CHST11: variants seen among roughly 807,000 people sequenced by gnomAD.
CHST11 encodes C4S-1.
A neutral mutation model predicts 30.4 loss-of-function variants in CHST11; 9 were observed. The ratio of observed to expected loss-of-function variants is 0.30; its 90% CI spans 0.18 to 0.52. CHST11 has a LOEUF of 0.52. Among genes scored for constraint, CHST11 ranks in the 20% least tolerant of loss-of-function variants. CHST11 has a pLI of 0.97. For synonymous variants in CHST11, 152 were observed against 187.8 expected, an observed-to-expected ratio of 0.81 and a Z score of 1.56; for missense variants, 348 against 460.6, an observed-to-expected ratio of 0.76 and a Z score of 2.24.
At chr12:104,567,115 A>G (rs2038575313) in intron 1 of CHST11, among the ~76,000 whole-genome samples, 2 of 152,198 alleles carry the variant, frequency 1.3e-5, no homozygotes, top group Admixed American at 6.5e-5. Context: ...TGCTGTCTCT[A>G]AAGAATGGAG....
chr12:104,550,719 C>T (rs1357108809), intron 1 of CHST11, among the ~76,000 whole-genome samples: 1 of 152,208 alleles, frequency 6.6e-6, no homozygotes, highest in African/African-American at 2.4e-5. Flanking sequence ...GGCTAAGAGA[C>T]ACTTCCTCAC....
intron 2 of CHST11, among the ~76,000 whole-genome samples, chr12:104,730,697 G>A (rs1056206133): frequency 6.6e-6 from 1 of 152,224 alleles, no homozygotes. Context: ...AAAAGTCCCA[G>A]TCCAGGATAT....
intron 2 of CHST11, among the ~76,000 whole-genome samples, chr12:104,746,224 G>A (rs1383335115): frequency 2.0e-5 from 3 of 152,136 alleles, no homozygotes; most frequent in East Asian, 1.9e-4. Flanking sequence ...TCAAGGTGCC[G>A]AGGCCATTCA....
At chr12:104,550,123 A>G (rs1225389112) in intron 1 of CHST11, among the ~76,000 whole-genome samples, 1 of 152,176 alleles carries the variant, frequency 6.6e-6, no homozygotes, top group Non-Finnish European at 1.5e-5. Flanking sequence ...TGCCGAGTTG[A>G]TGTCCAGAAG....
At chr12:104,551,422 G>A (rs966291929) in intron 1 of CHST11, among the ~76,000 whole-genome samples, 3 of 152,014 alleles carry the variant, frequency 2.0e-5, no homozygotes, top group African/African-American at 4.8e-5. Context: ...GCTTTTGTAA[G>A]CATGTGTTGG....
chr12:104,543,942 A>G (rs1407776333), intron 1 of CHST11, among the ~76,000 whole-genome samples: 1 of 151,282 alleles, frequency 6.6e-6, no homozygotes, highest in Non-Finnish European at 1.5e-5. Context: ...GCAACATAGC[A>G]AGATCCCCAT....
At chr12:104,669,375 G>C (rs984936835) in intron 2 of CHST11, among the ~76,000 whole-genome samples, 5 of 152,172 alleles carry the variant, frequency 3.3e-5, no homozygotes, top group Admixed American at 1.3e-4. Context: ...AGCTTTGCTT[G>C]TTTTGAATCC....
At chr12:104,506,288 G>A (rs1353991780) in intron 1 of CHST11, among the ~76,000 whole-genome samples, 1 of 152,194 alleles carries the variant, frequency 6.6e-6, no homozygotes, top group Non-Finnish European at 1.5e-5. Context: ...ATTGAGCTTT[G>A]TTCAAAGTCC....
At chr12:104,753,345 G>T (rs1220547762) in intron 2 of CHST11, among the ~76,000 whole-genome samples, 4 of 151,996 alleles carry the variant, frequency 2.6e-5, no homozygotes, top group Admixed American at 1.3e-4. Context: ...TTGCATTAAA[G>T]AAGTTAGTCA....
chr12:104,497,112 T>C (rs745926755), intron 1 of CHST11, among the ~76,000 whole-genome samples: 3 of 152,210 alleles, frequency 2.0e-5, no homozygotes, highest in Non-Finnish European at 4.4e-5. Flanking sequence ...AAAGGACAGA[T>C]ATTGTCATTT....
At chr12:104,665,882 C>A (rs995299566) in intron 2 of CHST11, among the ~76,000 whole-genome samples, 2 of 134,142 alleles carry the variant, frequency 1.5e-5, no homozygotes, top group Non-Finnish European at 3.1e-5. Context: ...CGCAGTGGCG[C>A]GATCTCGGCT....
intron 1 of CHST11, among the ~76,000 whole-genome samples, chr12:104,490,454 GGTGCCGAAGT>G (rs1226051784): frequency 6.6e-6 from 1 of 152,150 alleles, no homozygotes; most frequent in African/African-American, 2.4e-5. Flanking sequence ...TCATGCAGTT[GGTGCCGAAGT>G]GTTTTAAGGG....
chr12:104,665,359 A>G (rs1382909490), intron 2 of CHST11, among the ~76,000 whole-genome samples: 2 of 152,196 alleles, frequency 1.3e-5, no homozygotes, highest in Non-Finnish European at 2.9e-5. Flanking sequence ...AAAAGAAGAG[A>G]GTCTAGTCTT....
chr12:104,684,334 G>A (rs2039826036), intron 2 of CHST11, among the ~76,000 whole-genome samples: 1 of 152,026 alleles, frequency 6.6e-6, no homozygotes, highest in Admixed American at 6.5e-5. Context: ...ATGGATAGAT[G>A]GACAGATAGG....
At chr12:104,652,648 G>A (rs1178165293) in intron 2 of CHST11, among the ~76,000 whole-genome samples, 4 of 152,236 alleles carry the variant, frequency 2.6e-5, no homozygotes, top group Non-Finnish European at 5.9e-5. Context: ...GCCCAAGACA[G>A]AGGAAGTGAT....
At chr12:104,707,758 A>C (rs1016053445) in intron 2 of CHST11, among the ~76,000 whole-genome samples, 6 of 152,220 alleles carry the variant, frequency 3.9e-5, no homozygotes. Flanking sequence ...AAATGCACAC[A>C]CACACAGATA....
At chr12:104,632,896 G>A (rs1448287837) in intron 2 of CHST11, among the ~76,000 whole-genome samples, 1 of 152,218 alleles carries the variant, frequency 6.6e-6, no homozygotes, top group Non-Finnish European at 1.5e-5. Flanking sequence ...GGAAATGTGG[G>A]CAGCTGGCTG....
At chr12:104,646,604 T>C (rs543799447) in intron 2 of CHST11, among the ~76,000 whole-genome samples, 128 of 152,248 alleles carry the variant, frequency 8.4e-4, no homozygotes, top group Non-Finnish European at 1.5e-3. Flanking sequence ...TGGTGGCACG[T>C]GCCTGTAGTC....
At position 104,600,119 on chromosome 12, in the gene CHST11, A is replaced by G. The variant is rs2038945088; in HGVS notation, c.119-1787A>G. ...AGTCAAGGAAAAGGAAAGAGAAAACATGGCATCTTGTTTCTGGGCATTGAT... is the reference window on the plus strand; with the variant it reads ...AGTCAAGGAAAAGGAAAGAGAAAACGTGGCATCTTGTTTCTGGGCATTGAT... On this transcript the variant is annotated intron_variant, in intron 1 of 2. Coordinates refer to ENST00000303694, the MANE Select transcript of CHST11 (RefSeq NM_018413.6). The surrounding 1 kb of genome is among the most constrained non-coding windows in gnomAD (Gnocchi z 4.1). Among the ~76,000 whole-genome samples the G allele has an allele frequency of 6.6e-6, 1 of 152,218 alleles. No homozygotes were observed. Among genetic ancestry groups the G allele is most frequent in the Admixed American group, 6.5e-5 (1 of 15,286 alleles).
Sources: allele counts gnomAD v4.1 joint callset (sites outside exome capture counted in the v4.1 genomes callset), GRCh38; gene constraint gnomAD v4.1.1; non-coding constraint Gnocchi (gnomAD v3.1); transcripts MANE v1.5; gene names NCBI Gene and HGNC (gene_info 2026-07-23, HGNC 2026-07-21).